The following ATXN1 variants were observed in gnomAD, a reference collection of about 807,000 sequenced individuals.
The protein encoded by ATXN1 is ataxin-1.
ATXN1 carries 8 observed loss-of-function variants against 56.4 expected under a neutral mutation model. That is an observed-to-expected ratio of 0.14 (90% confidence interval 0.08 to 0.26). The LOEUF (loss-of-function observed/expected upper bound fraction) is 0.26, where lower values mean the gene tolerates loss of function less well. Among genes scored for constraint, ATXN1 ranks in the 10% least tolerant of loss-of-function variants. The pLI is 1.00. For synonymous variants in ATXN1, 514 were observed against 494.6 expected (o/e 1.04, Z -0.52); for missense variants, 987 against 1,106.5 (o/e 0.89, Z 1.53).
chr6:16,355,792 G>A (rs1761674029), intron 6 of ATXN1, among the ~76,000 whole-genome samples: 1 of 152,134 alleles, frequency 6.6e-6, no homozygotes, highest in African/African-American at 2.4e-5. Context: ...TTGAATTCCT[G>A]ACCTCAGGTG....
Position 16,690,305 on chromosome 6 carries a change from C to A in ATXN1, c.-614-32404G>T, listed in dbSNP as rs140276633. On this transcript the variant is annotated intron_variant, in intron 2 of 7. Transcript: ENST00000436367. Reference sequence around the variant, plus strand: ...GATGAGCTTGATTCAGAATCTTCAGCTCTCCACTCTATCAGCAACCTGCCT... The same window carrying A: ...GATGAGCTTGATTCAGAATCTTCAGATCTCCACTCTATCAGCAACCTGCCT... 2.6e-3 allele frequency among the ~76,000 whole-genome samples: 389 copies of A among 151,974 alleles called. 4 individuals carry two copies. Among genetic ancestry groups the A allele is most frequent in the African/African-American group, 8.8e-3 (366 of 41,424 alleles).
At chr6:16,512,956 A>G (rs1761110481) in intron 5 of ATXN1, among the ~76,000 whole-genome samples, 1 of 152,236 alleles carries the variant, frequency 6.6e-6, no homozygotes. Context: ...TTATTTAGTA[A>G]GATGTGGTTG....
intron 3 of ATXN1, among the ~76,000 whole-genome samples, chr6:16,610,969 G>A (rs1763095774): frequency 6.6e-6 from 1 of 151,976 alleles, no homozygotes; most frequent in African/African-American, 2.4e-5. Flanking sequence ...GGTCAAGGCT[G>A]CAGCGAGTTA....
At chr6:16,702,195 T>C (rs1342585543) in intron 2 of ATXN1, among the ~76,000 whole-genome samples, 9 of 152,096 alleles carry the variant, frequency 5.9e-5, no homozygotes, top group Non-Finnish European at 4.4e-5. Context: ...TCTACAACTA[T>C]CCGATCTTTG....
At chr6:16,688,036 T>C (rs1758956698) in intron 2 of ATXN1, among the ~76,000 whole-genome samples, 1 of 152,224 alleles carries the variant, frequency 6.6e-6, no homozygotes, top group Admixed American at 6.5e-5. Context: ...GTGGGTTATG[T>C]ATCCTGGGTT....
intron 3 of ATXN1, among the ~76,000 whole-genome samples, chr6:16,648,133 T>C (rs1561792847): frequency 6.6e-6 from 1 of 152,212 alleles, no homozygotes; most frequent in Non-Finnish European, 1.5e-5. Flanking sequence ...CTGGTCTGTA[T>C]GTAGATCCTT....
In ATXN1 at chr6:16,326,382, G is replaced by A. The variant is rs528451152; in HGVS notation, c.1917+12C>T. On this transcript the variant is annotated intron_variant, in intron 7 of 7. Transcript: ENST00000436367. The surrounding 1 kb of genome is among the most constrained non-coding windows in gnomAD (Gnocchi z 6.6). The stretch of plus-strand genomic sequence containing the variant: ...TGGTGTCCCATCCCTGTGCCACCCT[G>A]GCTAACGTTACCTGGGCTCGGTGCT... The A allele has an allele frequency of 2.5e-6, 4 of 1,611,544 alleles. No homozygotes were observed. Among genetic ancestry groups the A allele is most frequent in the East Asian group, 2.2e-5 (1 of 44,854 alleles).
chr6:16,325,277 C>A lies in ATXN1; in HGVS notation c.1917+1117G>T, dbSNP rs545704810. On this transcript the variant is annotated intron_variant, in intron 7 of 7. Transcript: ENST00000436367. The stretch of plus-strand genomic sequence containing the variant: ...GGATTACAGGCACACACCACCATGC[C>A]CGGCTAATTTTTGTATTTTTAGTAG... Among the ~76,000 whole-genome samples the A allele has an allele frequency of 7.2e-5, 11 of 152,116 alleles. No homozygotes were observed. The East Asian group carries it at 2.1e-3, about 29-fold the overall frequency.
At chr6:16,491,322 TTGCCCAGGCTGGAG>T (rs1278490244) in intron 5 of ATXN1, among the ~76,000 whole-genome samples, 13 of 148,558 alleles carry the variant, frequency 8.8e-5, no homozygotes, top group African/African-American at 3.2e-4. Flanking sequence ...TTCGCTCTTG[TTGCCCAGGCTGGAG>T]TGCAATGGCG....
intron 4 of ATXN1, among the ~76,000 whole-genome samples, chr6:16,583,738 G>C (rs1383872300): frequency 6.6e-6 from 1 of 152,164 alleles, no homozygotes; most frequent in Non-Finnish European, 1.5e-5. Context: ...TGTGAAAAAT[G>C]GGTCTCTGAC....
rs891637737 is a variant in ATXN1 at position 16,760,098 on chromosome 6, G to A, written c.-730+1200C>T. On this transcript the variant is annotated intron_variant, in intron 1 of 7. Transcript: ENST00000436367. The surrounding 1 kb of genome is among the most constrained non-coding windows in gnomAD (Gnocchi z 5.3). Reference sequence around the variant, plus strand: ...CCGGCCCCCTTCCCTGCCCCCTGCGGGACCGGCCTGCGCGCAGCACTGGAA... The same window carrying A: ...CCGGCCCCCTTCCCTGCCCCCTGCGAGACCGGCCTGCGCGCAGCACTGGAA... Among the ~76,000 whole-genome samples, 3 of 151,778 alleles carry A rather than the reference G, an allele frequency of 2.0e-5. No homozygotes were observed. The highest frequency in any genetic ancestry group is 1.3e-4 in the Admixed American group (2 of 15,264).
At chr6:16,332,349 A>C (rs986781357) in intron 6 of ATXN1, among the ~76,000 whole-genome samples, 1 of 152,212 alleles carries the variant, frequency 6.6e-6, no homozygotes, top group African/African-American at 2.4e-5. Context: ...GGGACTAAAC[A>C]ACAAAGAAGT....
In ATXN1 at chr6:16,733,554, A is replaced by T. The variant is rs190008559; in HGVS notation, c.-615+19679T>A. 1.6e-3 allele frequency among the ~76,000 whole-genome samples: 242 copies of T among 151,594 alleles called. 2 individuals carry two copies. The highest frequency in any genetic ancestry group is 5.4e-3 in the African/African-American group (223 of 41,310). ...ACTCCAGTTCGGACAACAGACTGAG[A>T]ACTGACCTCTTGGAAAAAAAAAAGA... On this transcript the variant is annotated intron_variant, in intron 2 of 7. Coordinates refer to ENST00000436367, the MANE Select transcript of ATXN1 (RefSeq NM_001128164.2).
At chr6:16,636,065 C>T (rs1300705449) in intron 3 of ATXN1, among the ~76,000 whole-genome samples, 1 of 152,214 alleles carries the variant, frequency 6.6e-6, no homozygotes, top group African/African-American at 2.4e-5. Flanking sequence ...ACGGGCACTT[C>T]CAACCTGTGT....
intron 2 of ATXN1, among the ~76,000 whole-genome samples, chr6:16,711,835 C>T (rs950168964): frequency 6.6e-6 from 1 of 152,178 alleles, no homozygotes; most frequent in East Asian, 1.9e-4. Context: ...CCAGGCTGAT[C>T]TCGAACTTCT....
intron 2 of ATXN1, among the ~76,000 whole-genome samples, chr6:16,679,341 T>C (rs1758763420): frequency 6.8e-6 from 1 of 146,436 alleles, no homozygotes; most frequent in Non-Finnish European, 1.5e-5. Flanking sequence ...GATAGGTGGA[T>C]GGGAGGATAG....
At chr6:16,336,867 T>C (rs7753715) in intron 6 of ATXN1, among the ~76,000 whole-genome samples, 8,218 of 152,174 alleles carry the variant, frequency 0.054, 595 homozygotes, top group African/African-American at 0.17. Context: ...CCACGAATAG[T>C]AGTGTTTTTT....
chr6:16,377,664 A>G (rs1762171448), intron 6 of ATXN1, among the ~76,000 whole-genome samples: 1 of 152,148 alleles, frequency 6.6e-6, no homozygotes. Context: ...CTATCTCTGT[A>G]CGCCTGTGTG....
chr6:16,720,741 C>G (rs1449637561), intron 2 of ATXN1, among the ~76,000 whole-genome samples: 2 of 152,184 alleles, frequency 1.3e-5, no homozygotes, highest in African/African-American at 4.8e-5. Flanking sequence ...GGCCTAAATC[C>G]TTTTCCTACC....
Sources: gnomAD v4.1 joint callset for allele counts (sites outside exome capture counted in the v4.1 genomes callset) on GRCh38, gnomAD v4.1.1 for gene constraint, Gnocchi (gnomAD v3.1) non-coding constraint, MANE v1.5 for transcripts, NCBI Gene and HGNC (gene_info 2026-07-23, HGNC 2026-07-21) for gene names.